STARD13: variants seen among roughly 807,000 people sequenced by gnomAD.
The protein encoded by STARD13 is stAR-related lipid transfer protein 13.
A neutral mutation model predicts 106.4 loss-of-function variants in STARD13; 62 were observed. That is an observed-to-expected ratio of 0.58 (90% CI 0.48 to 0.72). The LOEUF is 0.72. STARD13 is among the 30% of genes least tolerant of loss of function. The pLI is 0.00. For synonymous variants in STARD13, 565 were observed against 553.0 expected (o/e 1.02, Z -0.31); for missense variants, 1,387 against 1,424.0 (o/e 0.97, Z 0.42).
the STARD13 span, among the ~76,000 whole-genome samples, chr13:33,532,282 C>T: frequency 1.1e-3 from 168 of 152,112 alleles, 1 homozygote; most frequent in Admixed American, 3.7e-3. Flanking sequence ...TAATGTATTG[C>T]TAATGAAAAA....
chr13:33,634,850 G>C, the STARD13 span, among the ~76,000 whole-genome samples: 1 of 152,174 alleles, frequency 6.6e-6, no homozygotes, highest in Admixed American at 6.5e-5. Flanking sequence ...GTGGATAGAG[G>C]TGGTGAACCA....
At chr13:33,559,789 G>A in the STARD13 span, among the ~76,000 whole-genome samples, 1 of 151,426 alleles carries the variant, frequency 6.6e-6, no homozygotes, top group African/African-American at 2.5e-5. Context: ...CCCGGGAGGT[G>A]GACGTTGCAG....
the STARD13 span, among the ~76,000 whole-genome samples, chr13:33,405,430 G>T: frequency 6.6e-6 from 1 of 152,228 alleles, no homozygotes; most frequent in African/African-American, 2.4e-5. Context: ...GCCATTCCTT[G>T]TGTTCACATG....
the STARD13 span, chr13:33,611,413 GT>G: frequency 1.3e-5 from 2 of 152,188 alleles, no homozygotes; most frequent in African/African-American, 4.8e-5. Context: ...AACAAAAAAG[GT>G]ATTTTTAGGG....
the STARD13 span, among the ~76,000 whole-genome samples, chr13:33,606,372 A>T: frequency 2.8e-4 from 43 of 152,342 alleles, no homozygotes; most frequent in African/African-American, 9.9e-4. Flanking sequence ...AAAAGGGTTA[A>T]TATGTGTAAA....
the STARD13 span, among the ~76,000 whole-genome samples, chr13:33,499,585 C>CT: frequency 2.9e-4 from 20 of 68,352 alleles, no homozygotes; most frequent in Middle Eastern, 6.8e-3. Flanking sequence ...TCTTCTTCTT[C>CT]TTCTTCTTCT....
At chr13:33,650,438 C>T in the STARD13 span, among the ~76,000 whole-genome samples, 2 of 151,848 alleles carry the variant, frequency 1.3e-5, no homozygotes, top group Non-Finnish European at 1.5e-5. Flanking sequence ...GATCCGCCCG[C>T]CTCGGCCTCC....
the STARD13 span, among the ~76,000 whole-genome samples, chr13:33,506,342 T>C: frequency 6.6e-5 from 10 of 152,132 alleles, no homozygotes; most frequent in South Asian, 2.1e-4. Context: ...ACTATACTTA[T>C]TCAGATGTGG....
intron 1 of STARD13, among the ~76,000 whole-genome samples, chr13:33,204,230 C>T (rs1887248966): frequency 6.6e-6 from 1 of 152,170 alleles, no homozygotes; most frequent in East Asian, 1.9e-4. Context: ...TTAGCTCATG[C>T]AGAACATACT....
At chr13:33,127,998 G>A (rs1417680427) in intron 5 of STARD13, among the ~76,000 whole-genome samples, 3 of 106,432 alleles carry the variant, frequency 2.8e-5, no homozygotes, top group Non-Finnish European at 7.0e-5. Flanking sequence ...AAAAGAGAGA[G>A]ACAGATGTAG....
chr13:33,103,174 T>G lies in STARD13; in HGVS notation c.*2419A>C, dbSNP rs1873291890. 1 of 152,692 alleles carries G rather than the reference T, an allele frequency of 6.5e-6. No homozygotes were observed. The highest frequency in any genetic ancestry group is 6.5e-5 in the Admixed American group (1 of 15,302). The allele number at this position is 152,692 out of a possible 1,614,324, so 9.5% of individuals were successfully genotyped here. The stretch of plus-strand genomic sequence containing the variant: ...TAGGAAATATTTAATATATATAAAT[T>G]TATTTGCCTTGGCAATTATTTATTT... On this transcript the variant is annotated 3_prime_UTR_variant, in exon 14 of 14. Coordinates refer to ENST00000336934, the MANE Select transcript of STARD13 (RefSeq NM_178006.4).
At chr13:33,603,630 AG>A in the STARD13 span, among the ~76,000 whole-genome samples, 2 of 152,246 alleles carry the variant, frequency 1.3e-5, no homozygotes, top group Admixed American at 1.3e-4. Context: ...TCTAAACATC[AG>A]GAACTCCCCT....
At chr13:33,640,221 GCTT>G in the STARD13 span, among the ~76,000 whole-genome samples, 3 of 152,180 alleles carry the variant, frequency 2.0e-5, no homozygotes, top group African/African-American at 7.2e-5. Flanking sequence ...TGTGCCCAGA[GCTT>G]CTGCAAGCTG....
chr13:33,480,389 C>T, the STARD13 span, among the ~76,000 whole-genome samples: 1 of 152,046 alleles, frequency 6.6e-6, no homozygotes, highest in Admixed American at 6.6e-5. Flanking sequence ...GGTGATATAA[C>T]CATACAGAGA....
At chr13:33,341,458 G>A (rs1229294235) in intron 1 of STARD13, among the ~76,000 whole-genome samples, 1 of 152,148 alleles carries the variant, frequency 6.6e-6, no homozygotes, top group East Asian at 1.9e-4. Context: ...CTAACATGGT[G>A]AAATCCTGTC....
At chr13:33,622,648 G>A in the STARD13 span, among the ~76,000 whole-genome samples, 1 of 143,040 alleles carries the variant, frequency 7.0e-6, no homozygotes, top group Admixed American at 7.1e-5. Context: ...AAGGCTGGGC[G>A]TGGTGGCTCA....
At chr13:33,157,635 A>G (rs1439750045) in intron 3 of STARD13, among the ~76,000 whole-genome samples, 2 of 152,184 alleles carry the variant, frequency 1.3e-5, no homozygotes, top group African/African-American at 2.4e-5. Context: ...GCACCACTGC[A>G]CTCCAGCCTG....
At chr13:33,328,023 A>G (rs892599768) in intron 1 of STARD13, among the ~76,000 whole-genome samples, 1 of 152,254 alleles carries the variant, frequency 6.6e-6, no homozygotes, top group South Asian at 2.1e-4. Context: ...GTATATTTTT[A>G]AAGTCTGTCT....
chr13:33,372,128 T>C, the STARD13 span, among the ~76,000 whole-genome samples: 1,513 of 152,256 alleles, frequency 9.9e-3, 17 homozygotes, highest in Non-Finnish European at 0.015. Context: ...AAGTTTAAAG[T>C]ATTAGACATA....
Sources: gnomAD v4.1 joint callset for allele counts (sites outside exome capture counted in the v4.1 genomes callset) on GRCh38, gnomAD v4.1.1 for gene constraint, MANE v1.5 for transcripts, NCBI Gene and HGNC (gene_info 2026-07-23, HGNC 2026-07-21) for gene names.